Variants in ABCE1 observed in about 807,000 individuals in gnomAD.
The protein encoded by ABCE1 is ATP-binding cassette sub-family E member 1.
ABCE1 carries 22 observed loss-of-function variants against 83.4 expected under a neutral mutation model. The observed-to-expected ratio is 0.26, with a 90% CI of 0.19 to 0.38. The LOEUF (loss-of-function observed/expected upper bound fraction) is 0.38, where lower values mean the gene tolerates loss of function less well. ABCE1 is among the 10% of genes least tolerant of loss of function. The probability of loss-of-function intolerance (pLI) is 1.00; values close to 1 mark genes in which losing one functional copy is unlikely to be tolerated. For synonymous variants in ABCE1, 204 were observed against 233.7 expected (o/e 0.87, Z 1.16); for missense variants, 330 against 721.9 (o/e 0.46, Z 6.22).
chr4:145,117,031 T>C (rs1000709916), intron 9 of ABCE1, among the ~76,000 whole-genome samples: 1 of 151,956 alleles, frequency 6.6e-6, no homozygotes, highest in Non-Finnish European at 1.5e-5. Context: ...GTAACACTTA[T>C]TTCGAAATAT....
At chr4:145,100,152 A>G (rs1002720831) in intron 1 of ABCE1, among the ~76,000 whole-genome samples, 8 of 152,210 alleles carry the variant, frequency 5.3e-5, no homozygotes, top group Admixed American at 5.2e-4. Context: ...CACTATTTTT[A>G]TATAAATCAG....
rs767842601 is a variant in ABCE1, at chr4:145,123,077, A to G, written c.1320A>G (p.Gln440=). 9.0e-5 allele frequency: 145 copies of G among 1,607,004 alleles called. 7 individuals carry two copies. The South Asian group carries it at 1.3e-3, about 15-fold the overall frequency. The change falls in exon 14 of 18, where the codon CAA becomes CAG. Residue 440 remains glutamine (Q), a synonymous_variant. Transcript: ENST00000296577. ...TAAGAGATGCTTATACTCACCCACAATTTGTGACCGATGTAATGAAGCCTC... is the reference window on the plus strand; with the variant it reads ...TAAGAGATGCTTATACTCACCCACAGTTTGTGACCGATGTAATGAAGCCTC... ...EKIRDAYTHP[Q]FVTDVMKPLQ... is the part of the protein sequence containing the mutation.
chr4:145,099,260 C>G (rs1197127416), intron 1 of ABCE1, among the ~76,000 whole-genome samples: 1 of 152,188 alleles, frequency 6.6e-6, no homozygotes, highest in Non-Finnish European at 1.5e-5. Flanking sequence ...CTTATTTTCT[C>G]TTTTTTGATG....
In ABCE1 at chr4:145,120,045, T is replaced by A; in HGVS notation, c.1036T>A (p.Cys346Ser). 1 of 1,612,610 alleles carries A rather than the reference T, an allele frequency of 6.2e-7. No homozygotes were observed. Among genetic ancestry groups the A allele is most frequent in the Non-Finnish European group, 8.5e-7 (1 of 1,179,202 alleles). ...AAATGAAGAAGAAGTTAAAAAGATG[T>A]GTATGTATAAATATCCAGGAATGAA... ...TANEEEVKKM[C>S]MYKYPGMKKK... The change falls in exon 11 of 18, where the codon TGT becomes AGT. Residue 346 changes from cysteine (C) to serine (S), a missense_variant. Transcript: ENST00000296577.
In ABCE1 at chr4:145,110,462, GT is replaced by G. The variant is rs1218261257; in HGVS notation, c.613+21del. ...GCAGCTTGGTAAGTGTTTATTTTTT[GT>G]TTGTGTGAATATATATTTATTTATT... On this transcript the variant is annotated intron_variant, in intron 7 of 17. Transcript: ENST00000296577. 6.2e-7 allele frequency: 1 copy of G among 1,606,868 alleles called. No individual in the cohort carries two copies. Among genetic ancestry groups the G allele is most frequent in the Non-Finnish European group, 8.5e-7 (1 of 1,176,024 alleles).
intron 10 of ABCE1, among the ~76,000 whole-genome samples, chr4:145,117,739 A>T (rs1374500825): frequency 6.6e-6 from 1 of 151,814 alleles, no homozygotes; most frequent in African/African-American, 2.4e-5. Flanking sequence ...ATTAACTTTG[A>T]CAGGCCAATA....
At chr4:145,107,969 T>C (rs1408383514) in intron 3 of ABCE1, 46 bp from the exon 4 acceptor site, 2 of 1,456,200 alleles carry the variant, frequency 1.4e-6, no homozygotes, top group Non-Finnish European at 1.9e-6. Context: ...TATGTGTATA[T>C]GTCTACAAAT....
chr4:145,110,474 A>G, intron 7 of ABCE1, 30 bp downstream of exon 7: 1 of 1,592,376 alleles, frequency 6.3e-7, no homozygotes, highest in Non-Finnish European at 8.6e-7. Flanking sequence ...TTGTGTGAAT[A>G]TATATTTATT....
At chr4:145,122,072 T>A (rs1749762421) in intron 13 of ABCE1, 1 of 152,152 alleles carries the variant, frequency 6.6e-6, no homozygotes, top group Admixed American at 6.5e-5. Context: ...TAATTAAAAA[T>A]GAGCAAATGT....
At chr4:145,109,645 T>C (rs557774378) in intron 5 of ABCE1, among the ~76,000 whole-genome samples, 1 of 152,320 alleles carries the variant, frequency 6.6e-6, no homozygotes, top group African/African-American at 2.4e-5. Context: ...GTAATGTTCT[T>C]AAGTTAGATA....
At chr4:145,099,946 T>G (rs549468095) in intron 1 of ABCE1, among the ~76,000 whole-genome samples, 21 of 152,336 alleles carry the variant, frequency 1.4e-4, no homozygotes, top group African/African-American at 3.4e-4. Flanking sequence ...CCTTCTTTGT[T>G]TGCAGGAGCC....
At chr4:145,126,196 A>G (rs1749883011) in intron 17 of ABCE1, among the ~76,000 whole-genome samples, 1 of 152,218 alleles carries the variant, frequency 6.6e-6, no homozygotes, top group Non-Finnish European at 1.5e-5. Flanking sequence ...TCTGTGAAAT[A>G]CAGTATTTGT....
chr4:145,108,669 A>G (rs922742877), intron 4 of ABCE1, among the ~76,000 whole-genome samples: 12 of 152,138 alleles, frequency 7.9e-5, no homozygotes, highest in African/African-American at 2.9e-4. Flanking sequence ...TAAGGGGCCT[A>G]CTGCAGCAGG....
intron 9 of ABCE1, among the ~76,000 whole-genome samples, chr4:145,114,103 T>C (rs1459995017): frequency 6.6e-6 from 1 of 152,096 alleles, no homozygotes; most frequent in Non-Finnish European, 1.5e-5. Context: ...AAGTGAAACT[T>C]AGAATATCAG....
intron 2 of ABCE1, 21 bp downstream of exon 2, chr4:145,104,536 T>C (rs1749246124): frequency 2.7e-6 from 4 of 1,474,548 alleles, no homozygotes; most frequent in Non-Finnish European, 2.8e-6. Flanking sequence ...CTGTGGATCA[T>C]TTAAGTATAA....
chr4:145,127,580 T>C lies in ABCE1; in HGVS notation c.*7T>C, dbSNP rs762804262. ...CTTTTTCTTGGATGATTAGACTGACTCTGAGAATATTGATAAGCCATTTAT... is the reference window on the plus strand; with the variant it reads ...CTTTTTCTTGGATGATTAGACTGACCCTGAGAATATTGATAAGCCATTTAT... On this transcript the variant is annotated 3_prime_UTR_variant, in exon 18 of 18. Transcript: ENST00000296577. 5.2e-6 allele frequency: 8 copies of C among 1,549,472 alleles called. No individual in the cohort carries two copies. Among genetic ancestry groups the C allele is most frequent in the Non-Finnish European group, 6.9e-6 (8 of 1,157,182 alleles).
chr4:145,125,974 G>A (rs2126716646), intron 17 of ABCE1, among the ~76,000 whole-genome samples: 1 of 152,200 alleles, frequency 6.6e-6, no homozygotes, highest in East Asian at 1.9e-4. Context: ...CCAGGAGGTG[G>A]AGGTTGCAGT....
chr4:145,122,492 T>A (rs1749771102), intron 13 of ABCE1: 1 of 151,960 alleles, frequency 6.6e-6, no homozygotes, highest in South Asian at 2.1e-4. Flanking sequence ...ATTTTAAAAT[T>A]ATTGCAGGGG....
Position 145,104,481 on chromosome 4 carries a change from G to A in ABCE1, c.69G>A (p.Gln23=). Residue 23 remains glutamine (Q), a synonymous_variant, in exon 2 of 18, where the codon CAG becomes CAA. Transcript: ENST00000296577. ...HDKCKPKKCR[Q]ECKKSCPVVR... ...AATGTAAACCTAAGAAATGTCGACA[G>A]GAATGCAAAAAGAGTTGTCCTGTAG... The A allele has an allele frequency of 6.2e-7, 1 of 1,602,042 alleles. No homozygotes were observed. Among genetic ancestry groups the A allele is most frequent in the Non-Finnish European group, 8.5e-7 (1 of 1,174,638 alleles).
Sources: gnomAD v4.1 joint callset for allele counts (sites outside exome capture counted in the v4.1 genomes callset) on GRCh38, gnomAD v4.1.1 for gene constraint, MANE v1.5 for transcripts, NCBI Gene and HGNC (gene_info 2026-07-23, HGNC 2026-07-21) for gene names.